Variants in NEK8 observed in about 807,000 individuals in gnomAD.
NEK8 encodes NIMA related kinase 8, also known as serine/threonine-protein kinase Nek8.
In NEK8, 51 loss-of-function variants were observed where a neutral mutation model predicts 77.2. The observed-to-expected ratio is 0.66, with a 90% CI of 0.53 to 0.83. NEK8 has a LOEUF of 0.83. Ranked by LOEUF, NEK8 falls within the 40% of genes least tolerant of loss-of-function variation. The pLI, the probability that NEK8 is intolerant of heterozygous loss-of-function variation, is 0.00. For synonymous variants in NEK8, 365 were observed against 363.2 expected (o/e 1.00, Z -0.06); for missense variants, 787 against 909.2 (o/e 0.87, Z 1.73).
chr17:28,741,855 A>G lies in NEK8; in HGVS notation c.2051-104A>G. On this transcript the variant is annotated intron_variant, in intron 14 of 14. Transcript: ENST00000268766. This position sits in a 1 kb window ranked among gnomAD's most constrained non-coding sequence, Gnocchi z 4.5. ...GATGCTGAAACTCTCTTTCTGGCCT[A>G]ACAGGGTCCAGAATCCAGGGCCCAG... 1 of 1,246,210 alleles carries G rather than the reference A, an allele frequency of 8.0e-7. No homozygotes were observed. Among genetic ancestry groups the G allele is most frequent in the South Asian group, 1.2e-5 (1 of 83,620 alleles). The allele number at this position is 1,246,210 out of a possible 1,614,324, so 77.2% of individuals were successfully genotyped here.
intron 2 of NEK8, 85 bp from the exon 3 acceptor site, chr17:28,734,686 CA>C (rs59495219): frequency 0.018 from 13,584 of 756,198 alleles, 2 homozygotes; most frequent in Non-Finnish European, 0.02. Flanking sequence ...GACTCCATCT[CA>C]AAAAAAAAAA....
In NEK8 at chr17:28,730,976, G is replaced by C. The variant is rs1045633556; in HGVS notation, c.47+2116G>C. ...AAGAAAGGAAAGAAAGAAGGGGCCG[G>C]GCACGGTGGCTCAGGCCTGTAATTC... On this transcript the variant is annotated intron_variant, in intron 1 of 14. Coordinates refer to ENST00000268766, the MANE Select transcript of NEK8 (RefSeq NM_178170.3). 4.6e-5 allele frequency among the ~76,000 whole-genome samples: 7 copies of C among 152,120 alleles called. No individual in the cohort carries two copies. The South Asian group carries it at 1.0e-3, about 23-fold the overall frequency.
At chr17:28,735,523 C>A in intron 4 of NEK8, 152 bp downstream of exon 4, 2 of 855,764 alleles carry the variant, frequency 2.3e-6, no homozygotes, top group Non-Finnish European at 3.6e-6. Context: ...GTCCCTCAGA[C>A]TATGGATTTC....
chr17:28,729,305 T>A (rs2034282661), intron 1 of NEK8, among the ~76,000 whole-genome samples: 1 of 152,168 alleles, frequency 6.6e-6, no homozygotes, highest in African/African-American at 2.4e-5. Flanking sequence ...CCAGTGAGAA[T>A]ACTTATATGA....
chr17:28,742,493 C>A lies in NEK8; in HGVS notation c.*506C>A, dbSNP rs1597808951. 1.1e-5 allele frequency: 2 copies of A among 183,222 alleles called. No homozygotes were observed. Among genetic ancestry groups the A allele is most frequent in the East Asian group, 2.8e-4 (2 of 7,222 alleles). 11.3% of individuals were successfully genotyped at this position (183,222 alleles called of 1,614,324 possible). ...CCTGTAGTCCCAGCTGCTCAGGAGG[C>A]TGAGGCAGGAGAATGGCGTAAACCC... On this transcript the variant is annotated 3_prime_UTR_variant, in exon 15 of 15. Transcript: ENST00000268766.
chr17:28,728,803 TAAGAA>T lies in NEK8; in HGVS notation c.-9_-5del, dbSNP rs1398452288. ...CGCGTGGGGGACGGAAGTGAAACTC[TAAGAA>T]ATGAGATGGAGAAGTACGAGCGGAT... On this transcript the variant is annotated 5_prime_UTR_variant, in exon 1 of 15. The change creates a new upstream start codon in the 5' untranslated region. Coordinates refer to ENST00000268766, the MANE Select transcript of NEK8 (RefSeq NM_178170.3). 1 of 1,551,084 alleles carries T rather than the reference TAAGAA, an allele frequency of 6.4e-7. No individual in the cohort carries two copies. Among genetic ancestry groups the T allele is most frequent in the African/African-American group, 1.4e-5 (1 of 73,150 alleles).
rs367945365 is a variant in NEK8 at position 28,740,448 on chromosome 17, G to C, written c.1418-15G>C. 1 of 1,613,842 alleles carries C rather than the reference G, an allele frequency of 6.2e-7. No homozygotes were observed. The highest frequency in any genetic ancestry group is 8.5e-7 in the Non-Finnish European group (1 of 1,179,912). The stretch of plus-strand genomic sequence containing the variant: ...CTAAAGCTCAAATTAACTCCTTCTG[G>C]GTTTCTTCTTGTAGGCAGACTGGGG... On this transcript the variant is annotated splice_polypyrimidine_tract_variant and intron_variant, in intron 10 of 14. Transcript: ENST00000268766. The surrounding 1 kb of genome is among the most constrained non-coding windows in gnomAD (Gnocchi z 4.7).
chr17:28,734,185 C>G lies in NEK8; in HGVS notation c.250C>G (p.Pro84Ala). The change falls in exon 2 of 15, where the codon CCA becomes GCA. Residue 84 changes from proline (P) to alanine (A), a missense_variant. Physicochemically the swap from Pro to Ala is conservative, Grantham distance 27 (BLOSUM62 -1). This residue lies in a region of NEK8 where 271 missense variants were observed against 365.1 expected (regional missense o/e 0.74). Transcript: ENST00000268766. ...KALMIAMEYA[P>A]GGTLAEFIQK... ...CCTTATGATCGCCATGGAATATGCACCAGGTGGGCCAGCCTCCTTACAGTG... is the reference window on the plus strand; with the variant it reads ...CCTTATGATCGCCATGGAATATGCAGCAGGTGGGCCAGCCTCCTTACAGTG... 6.2e-7 allele frequency: 1 copy of G among 1,613,950 alleles called. No individual in the cohort carries two copies. Among genetic ancestry groups the G allele is most frequent in the Non-Finnish European group, 8.5e-7 (1 of 1,179,804 alleles).
chr17:28,734,935 C>G lies in NEK8; in HGVS notation c.417C>G (p.His139Gln). 1 of 1,613,838 alleles carries G rather than the reference C, an allele frequency of 6.2e-7. No homozygotes were observed. The highest frequency in any genetic ancestry group is 8.5e-7 in the Non-Finnish European group (1 of 1,180,026). ...CCCAGAACATCCTGCTTGACAAACA[C>G]CGCATGGTCGTCAAGATCGGTGATT... Reference protein sequence around the residue: ...LKTQNILLDKHRMVVKIGDFG... With the variant: ...LKTQNILLDKQRMVVKIGDFG... The change falls in exon 3 of 15, where the codon CAC becomes CAG. Residue 139 changes from histidine to glutamine, a missense_variant. By Grantham distance (24) the His-to-Gln change is conservative. Transcript: ENST00000268766.
chr17:28,731,510 G>A (rs1422496887), intron 1 of NEK8, among the ~76,000 whole-genome samples: 2 of 151,946 alleles, frequency 1.3e-5, no homozygotes, highest in African/African-American at 2.4e-5. Context: ...CTCCACTCCC[G>A]CCTGGCAACA....
rs1028246021 is a variant in NEK8 at position 28,737,731 on chromosome 17, G to T, written c.884G>T (p.Cys295Phe). The change falls in exon 6 of 15, where the codon TGC becomes TTC. Residue 295 changes from cysteine (C) to phenylalanine (F), a missense_variant. Around this residue, in one of 2 missense-constraint regions of NEK8, gnomAD observed 516 missense variants for 544.0 expected, o/e 0.95. Coordinates refer to ENST00000268766, the MANE Select transcript of NEK8 (RefSeq NM_178170.3). The surrounding 1 kb of genome is among the most constrained non-coding windows in gnomAD (Gnocchi z 4.8). ...NTGSRTTSVRCRGIPRGPVRP... is the reference protein window; with the variant it reads ...NTGSRTTSVRFRGIPRGPVRP... Reference sequence around the variant, plus strand: ...GGGAGCAGGACCACCAGTGTCCGCTGCAGAGGTAAGTGGGAAGAGGCCGCC... The same window carrying T: ...GGGAGCAGGACCACCAGTGTCCGCTTCAGAGGTAAGTGGGAAGAGGCCGCC... 1.2e-6 allele frequency: 2 copies of T among 1,614,148 alleles called. No individual in the cohort carries two copies. The highest frequency in any genetic ancestry group is 1.7e-6 in the Non-Finnish European group (2 of 1,180,020).
intron 1 of NEK8, among the ~76,000 whole-genome samples, chr17:28,729,532 A>ATTT (rs10523946): frequency 5.4e-4 from 53 of 98,326 alleles, no homozygotes; most frequent in East Asian, 8.8e-4. Context: ...AATTTTTTGG[A>ATTT]TTTTTTTTTT....
At chr17:28,739,734 A>T (rs527941573) in intron 10 of NEK8, among the ~76,000 whole-genome samples, 20 of 151,836 alleles carry the variant, frequency 1.3e-4, no homozygotes, top group Admixed American at 5.9e-4. Flanking sequence ...GGCGTGAGCC[A>T]CCACGCCTGG....
rs775282592 is a variant in NEK8, at chr17:28,737,708, G to A, written c.861G>A (p.Gly287=). The A allele has an allele frequency of 1.2e-6, 2 of 1,614,124 alleles. No homozygotes were observed. Among genetic ancestry groups the A allele is most frequent in the Non-Finnish European group, 1.7e-6 (2 of 1,180,002 alleles). The change falls in exon 6 of 15, where the codon GGG becomes GGA. Residue 287 remains glycine (G), a synonymous_variant. Transcript: ENST00000268766. This position sits in a 1 kb window ranked among gnomAD's most constrained non-coding sequence, Gnocchi z 4.8. ...AEKSVAPSNT[G]SRTTSVRCRG... is the part of the protein sequence containing the mutation. ...AGTCCGTGGCCCCCAGCAACACAGG[G>A]AGCAGGACCACCAGTGTCCGCTGCA...
Position 28,738,171 on chromosome 17 carries a change from G to C in NEK8, c.1148G>C (p.Arg383Pro), listed in dbSNP as rs138066977. 3.1e-6 allele frequency: 5 copies of C among 1,614,134 alleles called. No individual in the cohort carries two copies. Among genetic ancestry groups the C allele is most frequent in the Non-Finnish European group, 4.2e-6 (5 of 1,180,008 alleles). The change falls in exon 8 of 15, where the codon CGT becomes CCT. Residue 383 changes from arginine to proline, a missense_variant. Arg to Pro is a moderately radical substitution (Grantham distance 103). This residue lies in a region of NEK8 where 516 missense variants were observed against 544.0 expected (regional missense o/e 0.95). Coordinates refer to ENST00000268766, the MANE Select transcript of NEK8 (RefSeq NM_178170.3). The stretch of plus-strand genomic sequence containing the variant: ...CAGCCACAGCCCCAGTTCATCTCGC[G>C]TTTCCTGGAGGGCCAGTCGGGTGTG... ...VEQPQPQFIS[R>P]FLEGQSGVTI...
Position 28,740,047 on chromosome 17 carries a change from AG to A in NEK8, c.1418-414del, listed in dbSNP as rs1376034148. On this transcript the variant is annotated intron_variant, in intron 10 of 14. Transcript: ENST00000268766. The surrounding 1 kb of genome is among the most constrained non-coding windows in gnomAD (Gnocchi z 4.7). ...ACGCCTGTAATCCCAGCACTTTGGG[AG>A]GCCGAGGCAGGTGGATCACAAGGTC... 1.3e-5 allele frequency among the ~76,000 whole-genome samples: 2 copies of A among 151,992 alleles called. No homozygotes were observed. Among genetic ancestry groups the A allele is most frequent in the Non-Finnish European group, 2.9e-5 (2 of 68,008 alleles).
At chr17:28,733,917 A>C in intron 1 of NEK8, 66 bp from the exon 2 acceptor site, 23 of 1,394,548 alleles carry the variant, frequency 1.6e-5, no homozygotes, top group Non-Finnish European at 2.2e-5. Context: ...ACTAGGCTGC[A>C]CCGCCCTGCC....
Position 28,741,807 on chromosome 17 carries a change from T to G in NEK8, c.2051-152T>G. On this transcript the variant is annotated intron_variant, in intron 14 of 14. Transcript: ENST00000268766. This position sits in a 1 kb window ranked among gnomAD's most constrained non-coding sequence, Gnocchi z 4.5. ...GCTCCCCAGGGCTCACATGCATTCT[T>G]TCTCCTACTGCTGAGTCCCGTTGAT... 1 of 952,134 alleles carries G rather than the reference T, an allele frequency of 1.1e-6. No individual in the cohort carries two copies. Among genetic ancestry groups the G allele is most frequent in the Non-Finnish European group, 1.7e-6 (1 of 590,694 alleles). 59.0% of individuals were successfully genotyped at this position (952,134 alleles called of 1,614,324 possible).
chr17:28,733,742 C>T (rs1203554952), intron 1 of NEK8, among the ~76,000 whole-genome samples: 1 of 152,192 alleles, frequency 6.6e-6, no homozygotes, highest in Non-Finnish European at 1.5e-5. Flanking sequence ...CCCAGGCAGT[C>T]TGTGGGAACT....
Sources: gnomAD v4.1 joint callset for allele counts (sites outside exome capture counted in the v4.1 genomes callset) on GRCh38, gnomAD v4.1.1 for gene constraint, gnomAD v4.1.1 regional missense constraint, Gnocchi (gnomAD v3.1) non-coding constraint, MANE v1.5 for transcripts, NCBI Gene and HGNC (gene_info 2026-07-23, HGNC 2026-07-21) for gene names.